ITSN1: variants seen among roughly 807,000 people sequenced by gnomAD.
ITSN1 encodes the protein intersectin 1, also known as intersectin-1.
Under a neutral mutation model 239.8 loss-of-function variants are expected in ITSN1, and 58 were observed. The observed-to-expected ratio is 0.24, with a 90% CI of 0.20 to 0.30. The LOEUF (loss-of-function observed/expected upper bound fraction) is 0.30. ITSN1 is among the 10% of genes least tolerant of loss of function. The pLI is 1.00. For synonymous variants in ITSN1, 780 were observed against 770.8 expected, an observed-to-expected ratio of 1.01 and a Z score of -0.20; for missense variants, 1,558 against 2,103.3, an observed-to-expected ratio of 0.74 and a Z score of 5.07.
chr21:33,752,807 G>T (rs578062872), intron 7 of ITSN1, among the ~76,000 whole-genome samples: 20 of 147,620 alleles, frequency 1.4e-4, no homozygotes, highest in African/African-American at 4.9e-4. Flanking sequence ...CTGCACTCTT[G>T]CCTGGGTGAG....
At chr21:33,816,131 T>A (rs2073252961) in intron 22 of ITSN1, among the ~76,000 whole-genome samples, 1 of 151,636 alleles carries the variant, frequency 6.6e-6, no homozygotes, top group South Asian at 2.1e-4. Flanking sequence ...AAGTGGAGGT[T>A]GTGGTGAGCT....
chr21:33,720,560 C>G (rs2065423006), intron 2 of ITSN1, among the ~76,000 whole-genome samples: 1 of 151,980 alleles, frequency 6.6e-6, no homozygotes, highest in African/African-American at 2.4e-5. Flanking sequence ...ACATCCCCTG[C>G]CCTTCTTTTT....
chr21:33,838,299 T>C, intron 29 of ITSN1: 4 of 985,376 alleles, frequency 4.1e-6, no homozygotes, highest in Non-Finnish European at 4.8e-6. Context: ...GAGGCTGTGC[T>C]GGTGGTCGTG....
At chr21:33,768,964 T>A (rs950855114) in intron 11 of ITSN1, among the ~76,000 whole-genome samples, 14 of 152,210 alleles carry the variant, frequency 9.2e-5, no homozygotes, top group Non-Finnish European at 1.9e-4. Context: ...ATATAAGCAA[T>A]CACTTCAGCA....
At chr21:33,650,894 G>C (rs1034142146) in intron 1 of ITSN1, among the ~76,000 whole-genome samples, 4 of 152,180 alleles carry the variant, frequency 2.6e-5, no homozygotes, top group Admixed American at 1.3e-4. Context: ...ATTATAGGTA[G>C]CACTGCTTAT....
At chr21:33,753,519 T>G (rs2067699357) in intron 7 of ITSN1, among the ~76,000 whole-genome samples, 1 of 152,134 alleles carries the variant, frequency 6.6e-6, no homozygotes, top group South Asian at 2.1e-4. Context: ...TCCCAGCACT[T>G]TGGTAGGCCA....
At chr21:33,709,309 G>T (rs1025945687) in intron 1 of ITSN1, among the ~76,000 whole-genome samples, 2 of 152,096 alleles carry the variant, frequency 1.3e-5, no homozygotes, top group African/African-American at 4.8e-5. Flanking sequence ...GCAATATTTT[G>T]TAGTTCTAAG....
intron 1 of ITSN1, among the ~76,000 whole-genome samples, chr21:33,660,747 G>A (rs764334034): frequency 6.6e-6 from 1 of 152,202 alleles, no homozygotes; most frequent in Non-Finnish European, 1.5e-5. Context: ...ACACTGGGTA[G>A]TTTCTTAAGG....
At chr21:33,735,573 A>G (rs1407689383) in intron 5 of ITSN1, 1 of 251,972 alleles carries the variant, frequency 4.0e-6, no homozygotes, top group African/African-American at 2.3e-5. Context: ...CTCCTTGTGC[A>G]TAAACAATTC....
In ITSN1 at chr21:33,774,709, T is replaced by A. The variant is rs2069460002; in HGVS notation, c.1306-20T>A. 6.2e-7 allele frequency: 1 copy of A among 1,602,260 alleles called. No individual in the cohort carries two copies. The highest frequency in any genetic ancestry group is 1.7e-4 in the Middle Eastern group (1 of 6,002). On this transcript the variant is annotated intron_variant, in intron 12 of 39. Coordinates refer to ENST00000381318, the MANE Select transcript of ITSN1 (RefSeq NM_003024.3). ...TGTAAGAACTGAAAAATTAGTAATTTGTCTCTGTAAATGTCACAGGCTGCA... is the reference window on the plus strand; with the variant it reads ...TGTAAGAACTGAAAAATTAGTAATTAGTCTCTGTAAATGTCACAGGCTGCA...
At chr21:33,771,899 C>T in intron 11 of ITSN1, 162 bp from the exon 12 acceptor site, 1 of 702,148 alleles carries the variant, frequency 1.4e-6, no homozygotes, top group Non-Finnish European at 2.4e-6. Context: ...AGAGGTTAGG[C>T]AAAGGGGGTT....
chr21:33,833,189 A>G (rs2074395659), intron 27 of ITSN1, among the ~76,000 whole-genome samples: 1 of 152,214 alleles, frequency 6.6e-6, no homozygotes, highest in Admixed American at 6.5e-5. Context: ...CCCCGGGTTT[A>G]TAGGGACAGT....
intron 1 of ITSN1, among the ~76,000 whole-genome samples, chr21:33,701,896 C>T (rs1337733075): frequency 2.0e-5 from 3 of 151,540 alleles, no homozygotes; most frequent in Admixed American, 6.6e-5. Context: ...GATGAAACCC[C>T]GTCTCTACTA....
rs150637535 is a variant in ITSN1, at chr21:33,826,542, G to A, written c.3184-276G>A. Among the ~76,000 whole-genome samples the A allele has an allele frequency of 5.1e-3, 784 of 152,312 alleles. 7 individuals are homozygous for A. Among genetic ancestry groups the A allele is most frequent in the African/African-American group, 0.018 (746 of 41,566 alleles). ...CCTCCTCTTAGATTTGACCAGGTCC[G>A]AGAAGTGCCTGTGCTTGGAGCCCTC... On this transcript the variant is annotated intron_variant, in intron 25 of 39. Coordinates refer to ENST00000381318, the MANE Select transcript of ITSN1 (RefSeq NM_003024.3).
At position 33,765,927 on chromosome 21, in the gene ITSN1, C is replaced by T; in HGVS notation, c.841C>T (p.Leu281=). The T allele has an allele frequency of 1.2e-6, 2 of 1,614,080 alleles. No individual in the cohort carries two copies. Among genetic ancestry groups the T allele is most frequent in the African/African-American group, 1.3e-5 (1 of 75,036 alleles). ...DGKLTAEEFI[L]AMHLIDVAMS... is the part of the protein sequence containing the mutation. ...AAAACTTACAGCAGAGGAATTTATC[C>T]TGGCAATGCACCTCATTGATGTAGC... Residue 281 remains leucine (L), a synonymous_variant, in exon 10 of 40, where the codon CTG becomes TTG. Coordinates refer to ENST00000381318, the MANE Select transcript of ITSN1 (RefSeq NM_003024.3).
intron 5 of ITSN1, among the ~76,000 whole-genome samples, chr21:33,735,785 C>G (rs2066461935): frequency 6.6e-6 from 1 of 151,958 alleles, no homozygotes; most frequent in Non-Finnish European, 1.5e-5. Context: ...GGTGGATCAC[C>G]TGAGGTCAGG....
At chr21:33,656,308 A>G (rs2089069416) in intron 1 of ITSN1, among the ~76,000 whole-genome samples, 1 of 152,242 alleles carries the variant, frequency 6.6e-6, no homozygotes. Flanking sequence ...TAGGCAGGCA[A>G]AACAGATGGC....
At chr21:33,822,090 C>T (rs1277216159) in intron 24 of ITSN1, among the ~76,000 whole-genome samples, 2 of 152,246 alleles carry the variant, frequency 1.3e-5, no homozygotes, top group East Asian at 3.9e-4. Context: ...TTTGAATGAC[C>T]TGTGTCTGCC....
rs1345658019 is a variant in ITSN1 at position 33,865,730 on chromosome 21, G to T, written c.4074+396G>T. Among the ~76,000 whole-genome samples, 2 of 152,190 alleles carry T rather than the reference G, an allele frequency of 1.3e-5. No homozygotes were observed. Among genetic ancestry groups the T allele is most frequent in the African/African-American group, 4.8e-5 (2 of 41,446 alleles). ...CTGCCCTTCACTTGCAGAGGGAATG[G>T]CCAGGACTCCCAGTGGCCCCTTCAT... On this transcript the variant is annotated intron_variant, in intron 32 of 39. Transcript: ENST00000381318. The surrounding 1 kb of genome is among the most constrained non-coding windows in gnomAD (Gnocchi z 4.4).
Sources: gnomAD v4.1 joint callset for allele counts (sites outside exome capture counted in the v4.1 genomes callset) on GRCh38, gnomAD v4.1.1 for gene constraint, Gnocchi (gnomAD v3.1) non-coding constraint, MANE v1.5 for transcripts, NCBI Gene and HGNC (gene_info 2026-07-23, HGNC 2026-07-21) for gene names.